MYO7B: variants seen among roughly 807,000 people sequenced by gnomAD.
The protein encoded by MYO7B is unconventional myosin-VIIb.
In MYO7B, 212 loss-of-function variants were observed where a neutral mutation model predicts 259.7. The ratio of observed to expected loss-of-function variants is 0.82; its 90% CI spans 0.73 to 0.91. The LOEUF (loss-of-function observed/expected upper bound fraction) is 0.91. Ranked by LOEUF, MYO7B falls within the 40% of genes least tolerant of loss-of-function variation. MYO7B has a pLI of 0.00. For synonymous variants in MYO7B, 1,197 were observed against 1,166.4 expected, an observed-to-expected ratio of 1.03 and a Z score of -0.54; for missense variants, 2,732 against 2,813.5, an observed-to-expected ratio of 0.97 and a Z score of 0.66.
chr2:127,631,154 TG>T, intron 36 of MYO7B, 51 bp from the exon 37 acceptor site: 1 of 1,521,518 alleles, frequency 6.6e-7, no homozygotes, highest in East Asian at 2.3e-5. Flanking sequence ...CAGAGAAGCG[TG>T]GGACAGAGAA....
intron 42 of MYO7B, 126 bp from the exon 43 acceptor site, chr2:127,634,993 TG>T: frequency 1.3e-6 from 1 of 740,926 alleles, no homozygotes; most frequent in Middle Eastern, 2.9e-4. Flanking sequence ...ATGTGGGGAC[TG>T]GGGAGGAAGA....
At chr2:127,634,516 A>T in intron 41 of MYO7B, 80 bp from the exon 42 acceptor site, 1 of 1,310,168 alleles carries the variant, frequency 7.6e-7, no homozygotes, top group Non-Finnish European at 1.1e-6. Flanking sequence ...GTAGGCGGCC[A>T]CTGGACCAGA....
In MYO7B at chr2:127,592,313, T is replaced by C. The variant is rs546364826; in HGVS notation, c.1993-481T>C. 2.8e-4 allele frequency among the ~76,000 whole-genome samples: 43 copies of C among 152,288 alleles called. No homozygotes were observed. In the East Asian group the frequency reaches 5.4e-3, roughly 19 times the overall value. ...GGGAGGCTGAGGCAGGAGAATCGCTTGCACCCAGGAGGCAGAGGTTGCAGT... is the reference window on the plus strand; with the variant it reads ...GGGAGGCTGAGGCAGGAGAATCGCTCGCACCCAGGAGGCAGAGGTTGCAGT... On this transcript the variant is annotated intron_variant, in intron 16 of 47. Transcript: ENST00000409816.
chr2:127,588,589 C>T, intron 15 of MYO7B, 34 bp downstream of exon 15: 1 of 1,610,908 alleles, frequency 6.2e-7, no homozygotes, highest in Non-Finnish European at 8.5e-7. Flanking sequence ...GGTCTGTCAC[C>T]CCTGATGGCT....
intron 43 of MYO7B, 151 bp downstream of exon 43, chr2:127,635,377 T>A: frequency 2.8e-6 from 2 of 721,506 alleles, no homozygotes; most frequent in Non-Finnish European, 4.6e-6. Flanking sequence ...CTGAGGGCTC[T>A]GGAACCAGGA....
At position 127,559,889 on chromosome 2, in the gene MYO7B, G is replaced by C; in HGVS notation, c.18+149G>C. The stretch of plus-strand genomic sequence containing the variant: ...AGTTTAGGAAACACGACAGATTCTA[G>C]CATCTAAAGAAAACAAGTTTGGCCA... On this transcript the variant is annotated intron_variant, in intron 2 of 47. Transcript: ENST00000409816. The surrounding 1 kb of genome is among the most constrained non-coding windows in gnomAD (Gnocchi z 4.1). The C allele has an allele frequency of 1.0e-6, 1 of 959,858 alleles. No homozygotes were observed. Among genetic ancestry groups the C allele is most frequent in the East Asian group, 2.4e-5 (1 of 40,824 alleles). 59.5% of individuals were successfully genotyped at this position (959,858 alleles called of 1,614,324 possible).
Position 127,635,202 on chromosome 2 carries a change from A to G in MYO7B, c.5796A>G (p.Ala1932=), listed in dbSNP as rs1360449378. Residue 1932 remains alanine, a synonymous_variant, in exon 43 of 48, where the codon GCA becomes GCG. Transcript: ENST00000409816. Reference sequence around the variant, plus strand: ...TATCTCCAGGGAAGGATGTGAATGCAGACACCATACTCCATTACCACCAGG... The same window carrying G: ...TATCTCCAGGGAAGGATGTGAATGCGGACACCATACTCCATTACCACCAGG... ...LNISPGKDVN[A]DTILHYHQEL... 1 of 1,613,534 alleles carries G rather than the reference A, an allele frequency of 6.2e-7. No homozygotes were observed. The highest frequency in any genetic ancestry group is 8.5e-7 in the Non-Finnish European group (1 of 1,179,700).
chr2:127,622,489 A>T (rs985999687), intron 28 of MYO7B, among the ~76,000 whole-genome samples: 1 of 152,152 alleles, frequency 6.6e-6, no homozygotes, highest in African/African-American at 2.4e-5. Flanking sequence ...TGCCACCTCG[A>T]CCTGCTTTGG....
chr2:127,584,971 C>A lies in MYO7B; in HGVS notation c.1690+58C>A, dbSNP rs949331187. 5.6e-6 allele frequency: 9 copies of A among 1,600,524 alleles called. No individual in the cohort carries two copies. The highest frequency in any genetic ancestry group is 5.3e-5 in the African/African-American group (4 of 74,836). On this transcript the variant is annotated intron_variant, in intron 14 of 47. Transcript: ENST00000409816. The surrounding 1 kb of genome is among the most constrained non-coding windows in gnomAD (Gnocchi z 5.8). ...AATCTGGACCGGGTTCCAGGGAGAC[C>A]GTGGAAAGCAGGCTCAGAGGATGAG...
chr2:127,636,143 G>T lies in MYO7B; in HGVS notation c.6007-65G>T, dbSNP rs1224891274. On this transcript the variant is annotated intron_variant, in intron 44 of 47. Transcript: ENST00000409816. This position sits in a 1 kb window ranked among gnomAD's most constrained non-coding sequence, Gnocchi z 4.5. ...ACTAGCCCTGGGGTAGGCAGGTGCT[G>T]CCCCCACCAGGGCTTTGGAGGGCCT... 7.3e-7 allele frequency: 1 copy of T among 1,362,666 alleles called. No homozygotes were observed. The highest frequency in any genetic ancestry group is 1.0e-6 in the Non-Finnish European group (1 of 965,568). The allele number at this position is 1,362,666 out of a possible 1,614,324, so 84.4% of individuals were successfully genotyped here. A position where few individuals can be genotyped will look rare whatever the true frequency, so the allele number is the denominator to read the frequency against.
At chr2:127,603,816 A>C (rs1195609851) in intron 19 of MYO7B, among the ~76,000 whole-genome samples, 1 of 152,200 alleles carries the variant, frequency 6.6e-6, no homozygotes, top group Non-Finnish European at 1.5e-5. Context: ...GTCTTCTTCC[A>C]ATATAAGGCT....
In MYO7B at chr2:127,539,826, C is replaced by A. The variant is rs538701841; in HGVS notation, c.-24+3995C>A. Among the ~76,000 whole-genome samples, 40 of 152,242 alleles carry A rather than the reference C, an allele frequency of 2.6e-4. No homozygotes were observed. The highest frequency in any genetic ancestry group is 4.0e-4 in the Non-Finnish European group (27 of 68,038). The stretch of plus-strand genomic sequence containing the variant: ...CCAATGTGTAGTCTTTTGTTGCTCA[C>A]CCAGCTCCAGCCTTCCCCCGAAAGT... On this transcript the variant is annotated intron_variant, in intron 1 of 47. Coordinates refer to ENST00000409816, the MANE Select transcript of MYO7B (RefSeq NM_001393586.1). The surrounding 1 kb of genome is among the most constrained non-coding windows in gnomAD (Gnocchi z 4.0).
In MYO7B at chr2:127,569,801, G is replaced by A. The variant is rs1221824794; in HGVS notation, c.483G>A (p.Gly161=). 1.9e-6 allele frequency: 3 copies of A among 1,611,838 alleles called. No individual in the cohort carries two copies. The highest frequency in any genetic ancestry group is 4.5e-5 in the East Asian group (2 of 44,802). Residue 161 remains glycine (G), a synonymous_variant, in exon 6 of 48, where the codon GGG becomes GGA. Transcript: ENST00000409816. ...DQCCIISGES[G]AGKTETTKLI... Reference sequence around the variant, plus strand: ...ACCCTTTTTGCAGCGGCGAGTCTGGGGCTGGCAAGACGGAGACCACCAAGC... The same window carrying A: ...ACCCTTTTTGCAGCGGCGAGTCTGGAGCTGGCAAGACGGAGACCACCAAGC...
chr2:127,570,047 G>A, intron 6 of MYO7B, 137 bp downstream of exon 6: 1 of 1,134,530 alleles, frequency 8.8e-7, no homozygotes, highest in Non-Finnish European at 1.2e-6. Context: ...AAAACACAAG[G>A]GTGGGGTGCA....
chr2:127,636,591 A>C lies in MYO7B; in HGVS notation c.6170A>C (p.Asn2057Thr). Residue 2057 changes from asparagine (N) to threonine (T), a missense_variant, in exon 46 of 48, where the codon AAC becomes ACC. Coordinates refer to ENST00000409816, the MANE Select transcript of MYO7B (RefSeq NM_001393586.1). The surrounding 1 kb of genome is among the most constrained non-coding windows in gnomAD (Gnocchi z 4.5). ...SYPDVILIAI[N>T]RHGVLLIHPK... ...CCGGACGTCATCCTCATCGCCATCA[A>C]CCGACATGGGGTTCTGCTCATCCAC... 1.9e-6 allele frequency: 3 copies of C among 1,612,916 alleles called. No homozygotes were observed. Among genetic ancestry groups the C allele is most frequent in the Non-Finnish European group, 2.5e-6 (3 of 1,179,466 alleles).
chr2:127,578,182 A>G lies in MYO7B; in HGVS notation c.899A>G (p.His300Arg). 6.2e-7 allele frequency: 1 copy of G among 1,613,846 alleles called. No individual in the cohort carries two copies. The highest frequency in any genetic ancestry group is 1.1e-5 in the South Asian group (1 of 91,062). Residue 300 changes from histidine (H) to arginine (R), a missense_variant, in exon 9 of 48, where the codon CAC becomes CGC. By Grantham distance (29) the His-to-Arg change is conservative. This residue lies in a region of MYO7B where 1,906 missense variants were observed against 2,026.4 expected (regional missense o/e 0.94). Coordinates refer to ENST00000409816, the MANE Select transcript of MYO7B (RefSeq NM_001393586.1). ...CTCAACGACGCCAAGGACTACGCCC[A>G]CATCCGCTCGGCCATGAAGATCCTC... Reference protein sequence around the residue: ...EGLNDAKDYAHIRSAMKILQF... With the variant: ...EGLNDAKDYARIRSAMKILQF...
chr2:127,568,495 G>A (rs1025367726), intron 5 of MYO7B, among the ~76,000 whole-genome samples: 3 of 152,312 alleles, frequency 2.0e-5, no homozygotes, highest in East Asian at 3.9e-4. Context: ...AACGCCTGGC[G>A]CTTGACAGGC....
chr2:127,600,686 G>C (rs1679935792), intron 19 of MYO7B, among the ~76,000 whole-genome samples: 1 of 152,026 alleles, frequency 6.6e-6, no homozygotes, highest in Middle Eastern at 3.2e-3. Context: ...CTTCAGCCTG[G>C]GCAACAAGAG....
At chr2:127,618,031 C>CT (rs1400011260) in intron 26 of MYO7B, among the ~76,000 whole-genome samples, 1 of 152,150 alleles carries the variant, frequency 6.6e-6, no homozygotes, top group African/African-American at 2.4e-5. Context: ...AAGTCCCTGT[C>CT]TTTCCCTAGC....
Sources: allele counts gnomAD v4.1 joint callset (sites outside exome capture counted in the v4.1 genomes callset), GRCh38; gene constraint gnomAD v4.1.1; regional missense constraint gnomAD v4.1.1; non-coding constraint Gnocchi (gnomAD v3.1); transcripts MANE v1.5; gene names NCBI Gene and HGNC (gene_info 2026-07-23, HGNC 2026-07-21).